The following ACAD9 variants were observed in gnomAD, a reference collection of about 807,000 sequenced individuals.
ACAD9 encodes acyl-CoA dehydrogenase family member 9.
In ACAD9, 53 loss-of-function variants were observed where a neutral mutation model predicts 70.2. The ratio of observed to expected loss-of-function variants is 0.75; its 90% CI spans 0.61 to 0.95. ACAD9 has a LOEUF of 0.95. ACAD9 is among the 40% of genes least tolerant of loss of function. The probability of loss-of-function intolerance (pLI) is 0.00; values close to 1 mark genes in which losing one functional copy is unlikely to be tolerated. For missense variants in ACAD9, 777 were observed against 802.8 expected (o/e 0.97, Z 0.39); for synonymous variants, 313 against 312.1 (o/e 1.00, Z -0.03).
At position 128,902,484 on chromosome 3, in the gene ACAD9, C is replaced by T. The variant is rs1407692177; in HGVS notation, c.883-69C>T. 2 of 1,525,950 alleles carry T rather than the reference C, an allele frequency of 1.3e-6. No homozygotes were observed. Among genetic ancestry groups the T allele is most frequent in the Non-Finnish European group, 1.8e-6 (2 of 1,100,108 alleles). The allele number at this position is 1,525,950 out of a possible 1,614,324, so 94.5% of individuals were successfully genotyped here. A position where few individuals can be genotyped will look rare whatever the true frequency, so the allele number is the denominator to read the frequency against. On this transcript the variant is annotated intron_variant, in intron 8 of 17. Coordinates refer to ENST00000308982, the MANE Select transcript of ACAD9 (RefSeq NM_014049.5). This position sits in a 1 kb window ranked among gnomAD's most constrained non-coding sequence, Gnocchi z 4.0. ...GGGAAGGCAAGCTGATCCACCTGGC[C>T]TGGTTTCGTTGCGGCCTCCTCCCTC...
chr3:128,901,817 A>T (rs887393973), intron 8 of ACAD9, among the ~76,000 whole-genome samples: 1 of 152,110 alleles, frequency 6.6e-6, no homozygotes, highest in Non-Finnish European at 1.5e-5. Context: ...AATATCTCAC[A>T]CAGAACATTT....
intron 16 of ACAD9, 70 bp downstream of exon 16, chr3:128,910,219 A>ATTGT: frequency 6.2e-7 from 1 of 1,608,920 alleles, no homozygotes. Flanking sequence ...AATGAAGTTG[A>ATTGT]TTGTTGAGGA....
rs1420472211 is a variant in ACAD9 at position 128,912,737 on chromosome 3, A to G, written c.*130A>G. The G allele has an allele frequency of 3.3e-6, 3 of 904,228 alleles. No homozygotes were observed. Among genetic ancestry groups the G allele is most frequent in the African/African-American group, 1.6e-5 (1 of 61,554 alleles). The allele number at this position is 904,228 out of a possible 1,614,324, so 56.0% of individuals were successfully genotyped here. On this transcript the variant is annotated 3_prime_UTR_variant, in exon 18 of 18. Transcript: ENST00000308982. The stretch of plus-strand genomic sequence containing the variant: ...CCTTTTGTTCCCCGTCTGCACCTGA[A>G]GGGTTGTCGCCTGGCCTGGGAGAGC...
rs750051339 is a variant in ACAD9, at chr3:128,912,793, T to C, written c.*186T>C. ...CCAGGTTTTGACCTGCAGGCAGTGCTCTCTAACAGGACCATCACAGCTTCT... is the reference window on the plus strand; with the variant it reads ...CCAGGTTTTGACCTGCAGGCAGTGCCCTCTAACAGGACCATCACAGCTTCT... On this transcript the variant is annotated 3_prime_UTR_variant, in exon 18 of 18. Transcript: ENST00000308982. The C allele has an allele frequency of 5.4e-6, 4 of 736,470 alleles. No individual in the cohort carries two copies. In the South Asian group the frequency reaches 5.4e-5, roughly 10 times the overall value. 45.6% of individuals were successfully genotyped at this position (736,470 alleles called of 1,614,324 possible).
At position 128,879,723 on chromosome 3, in the gene ACAD9, C is replaced by G. The variant is rs757354007; in HGVS notation, c.32C>G (p.Thr11Arg). The G allele has an allele frequency of 1.9e-6, 3 of 1,612,866 alleles. No homozygotes were observed. The highest frequency in any genetic ancestry group is 2.5e-6 in the Non-Finnish European group (3 of 1,179,932). Residue 11 changes from threonine (T) to arginine (R), a missense_variant, in exon 1 of 18, where the codon ACG becomes AGG. By Grantham distance (71) the Thr-to-Arg change is moderately conservative (BLOSUM62 -1). Coordinates refer to ENST00000308982, the MANE Select transcript of ACAD9 (RefSeq NM_014049.5). Reference protein sequence around the residue: MSGCGLFLRTTAAARACRGLV... With the variant: MSGCGLFLRTRAAARACRGLV... Reference sequence around the variant, plus strand: ...GGCTGCGGGCTCTTCCTGCGCACCACGGCTGCGGCTCGTGCCTGCCGGGGT... The same window carrying G: ...GGCTGCGGGCTCTTCCTGCGCACCAGGGCTGCGGCTCGTGCCTGCCGGGGT...
Position 128,906,111 on chromosome 3 carries a change from C to T in ACAD9, c.1150-10C>T, listed in dbSNP as rs779901123. ...TCCTTTTGGAAAGGATTCAGTGTGA[C>T]ACCCCACAGGTGTTCAGCTCCGAGG... On this transcript the variant is annotated splice_polypyrimidine_tract_variant and intron_variant, in intron 11 of 17. Transcript: ENST00000308982. 7 of 1,614,048 alleles carry T rather than the reference C, an allele frequency of 4.3e-6. No homozygotes were observed. The highest frequency in any genetic ancestry group is 5.9e-6 in the Non-Finnish European group (7 of 1,180,044).
chr3:128,897,789 C>T lies in ACAD9; in HGVS notation c.633+79C>T, dbSNP rs761152137. ...CACTGAGTGAGCACTCTCCACACAC[C>T]AGGGATTGTACCTGCTGCTGTAGCA... On this transcript the variant is annotated intron_variant, in intron 6 of 17. Coordinates refer to ENST00000308982, the MANE Select transcript of ACAD9 (RefSeq NM_014049.5). 2.3e-6 allele frequency: 3 copies of T among 1,290,258 alleles called. No individual in the cohort carries two copies. In the South Asian group the frequency reaches 3.7e-5, roughly 16 times the overall value. The allele number at this position is 1,290,258 out of a possible 1,614,324, so 79.9% of individuals were successfully genotyped here.
intron 9 of ACAD9, among the ~76,000 whole-genome samples, chr3:128,903,617 G>A (rs1344089593): frequency 6.6e-6 from 1 of 152,222 alleles, no homozygotes; most frequent in Non-Finnish European, 1.5e-5. Context: ...CCCAGCCTGA[G>A]TATTCAAGCC....
intron 12 of ACAD9, 63 bp from the exon 13 acceptor site, chr3:128,908,122 C>A: frequency 6.7e-7 from 1 of 1,502,668 alleles, no homozygotes; most frequent in Non-Finnish European, 9.2e-7. Flanking sequence ...ACCCAGCACA[C>A]GTGGCACTAC....
intron 7 of ACAD9, among the ~76,000 whole-genome samples, chr3:128,900,403 A>G (rs1023876957): frequency 1.3e-5 from 2 of 151,818 alleles, no homozygotes; most frequent in Admixed American, 6.6e-5. Context: ...ACGTCCGGCT[A>G]ATTTTTTCTA....
chr3:128,884,328 C>A (rs755499336), intron 1 of ACAD9, among the ~76,000 whole-genome samples: 1 of 152,164 alleles, frequency 6.6e-6, no homozygotes, highest in Non-Finnish European at 1.5e-5. Flanking sequence ...AAATCAAGGA[C>A]CAGACCCCCA....
At position 128,908,218 on chromosome 3, in the gene ACAD9, C is replaced by A. The variant is rs749932833; in HGVS notation, c.1312C>A (p.Leu438Met). The A allele has an allele frequency of 6.2e-7, 1 of 1,614,204 alleles. No homozygotes were observed. The highest frequency in any genetic ancestry group is 1.7e-5 in the Admixed American group (1 of 60,026). ...TNEILRMYIA[L>M]TGLQHAGRIL... ...TGAGATTCTCCGGATGTACATCGCC[C>A]TGACGGGTCTGCAGCATGCCGGCCG... The change falls in exon 13 of 18, where the codon CTG becomes ATG. Residue 438 changes from leucine (L) to methionine (M), a missense_variant. Coordinates refer to ENST00000308982, the MANE Select transcript of ACAD9 (RefSeq NM_014049.5).
chr3:128,905,635 T>G (rs1409769622), intron 11 of ACAD9, among the ~76,000 whole-genome samples: 3 of 152,224 alleles, frequency 2.0e-5, no homozygotes. Context: ...GTGTACTGGG[T>G]GCATTTGCAT....
chr3:128,900,324 G>A (rs933941759), intron 7 of ACAD9, among the ~76,000 whole-genome samples: 4 of 152,014 alleles, frequency 2.6e-5, no homozygotes, highest in Non-Finnish European at 4.4e-5. Context: ...TGCAAGCTCC[G>A]CCTCCCGGGT....
intron 2 of ACAD9, among the ~76,000 whole-genome samples, chr3:128,888,230 C>T (rs561381878): frequency 7.9e-5 from 12 of 152,328 alleles, no homozygotes; most frequent in African/African-American, 2.2e-4. Context: ...ATACACTACA[C>T]TGCGCCCCAC....
At chr3:128,911,603 A>G (rs140689879) in intron 17 of ACAD9, among the ~76,000 whole-genome samples, 268 of 151,562 alleles carry the variant, frequency 1.8e-3, no homozygotes, top group African/African-American at 6.0e-3. Context: ...ATGCCCAGCT[A>G]ATATTTGTAT....
rs35020699 is a variant in ACAD9 at position 128,906,399 on chromosome 3, C to T, written c.1278+150C>T. On this transcript the variant is annotated intron_variant, in intron 12 of 17. Coordinates refer to ENST00000308982, the MANE Select transcript of ACAD9 (RefSeq NM_014049.5). ...TCCTAGCCCTGGCACGTCTCCTTCC[C>T]GACTGCTGCCCTCCATGAAGTCACA... The T allele has an allele frequency of 0.12, 149,095 of 1,218,650 alleles. 10,119 individuals carry two copies. Among genetic ancestry groups the T allele is most frequent in the South Asian group, 0.16 (11,273 of 69,056 alleles). 75.5% of individuals were successfully genotyped at this position (1,218,650 alleles called of 1,614,324 possible). A position where few individuals can be genotyped will look rare whatever the true frequency, so the allele number is the denominator to read the frequency against.
At chr3:128,904,617 C>T in intron 11 of ACAD9, 112 bp downstream of exon 11, 1 of 1,504,410 alleles carries the variant, frequency 6.6e-7, no homozygotes, top group Non-Finnish European at 8.9e-7. Context: ...TGTCATTGAT[C>T]CAGTATTTAT....
At position 128,909,500 on chromosome 3, in the gene ACAD9, C is replaced by T. The variant is rs938852771; in HGVS notation, c.1563+79C>T. 6 of 1,425,528 alleles carry T rather than the reference C, an allele frequency of 4.2e-6. No homozygotes were observed. In the Admixed American group the frequency reaches 6.8e-5, roughly 16 times the overall value. The allele number at this position is 1,425,528 out of a possible 1,614,324, so 88.3% of individuals were successfully genotyped here. On this transcript the variant is annotated intron_variant, in intron 15 of 17. Coordinates refer to ENST00000308982, the MANE Select transcript of ACAD9 (RefSeq NM_014049.5). ...ATTCATGAGACTACTTTTTGTCAAG[C>T]ATCCTTTGGGACCAGGCCTAGAACA...
Sources: gnomAD v4.1 joint callset for allele counts (sites outside exome capture counted in the v4.1 genomes callset) on GRCh38, gnomAD v4.1.1 for gene constraint, Gnocchi (gnomAD v3.1) non-coding constraint, MANE v1.5 for transcripts, NCBI Gene and HGNC (gene_info 2026-07-23, HGNC 2026-07-21) for gene names.